Variants in HDAC4 observed in about 807,000 individuals in gnomAD.
HDAC4 encodes histone deacetylase 4, also known as histone deacetylase A.
Under a neutral mutation model 135.1 loss-of-function variants are expected in HDAC4, and 16 were observed. The ratio of observed to expected loss-of-function variants is 0.12; its 90% CI spans 0.08 to 0.18. The LOEUF (loss-of-function observed/expected upper bound fraction) is 0.18. HDAC4 is among the 10% of genes least tolerant of loss of function. The pLI is 1.00. For missense variants in HDAC4, 1,143 were observed against 1,511.8 expected (o/e 0.76, Z 4.05); for synonymous variants, 685 against 653.4 (o/e 1.05, Z -0.74).
chr2:239,251,846 T>A (rs1022430941), intron 2 of HDAC4, among the ~76,000 whole-genome samples: 6 of 152,192 alleles, frequency 3.9e-5, no homozygotes, highest in Non-Finnish European at 4.4e-5. Flanking sequence ...GAAGCAGGTG[T>A]ACCATGTGCA....
At position 239,303,596 on chromosome 2, in the gene HDAC4, C is replaced by CT. The variant is rs949362334; in HGVS notation, c.22+49081dup. Among the ~76,000 whole-genome samples, 95 of 147,008 alleles carry CT rather than the reference C, an allele frequency of 6.5e-4. No individual in the cohort carries two copies. Among genetic ancestry groups the CT allele is most frequent in the Middle Eastern group, 3.6e-3 (1 of 276 alleles). Reference sequence around the variant, plus strand: ...TCAGCTTTCTCTGTTTTCTTTCTTTCTTTTTTTTTTTTAATTCACAATTGA... The same window carrying CT: ...TCAGCTTTCTCTGTTTTCTTTCTTTCTTTTTTTTTTTTTAATTCACAATTGA... On this transcript the variant is annotated intron_variant, in intron 2 of 26. Coordinates refer to ENST00000543185, the MANE Select transcript of HDAC4 (RefSeq NM_001378414.1). The surrounding 1 kb of genome is among the most constrained non-coding windows in gnomAD (Gnocchi z 5.1).
intron 2 of HDAC4, among the ~76,000 whole-genome samples, chr2:239,249,713 C>T (rs894323980): frequency 6.6e-6 from 1 of 151,910 alleles, no homozygotes; most frequent in East Asian, 1.9e-4. Context: ...CCAAATACCA[C>T]GCCATCCTGG....
chr2:239,239,077 C>T (rs1486578588), intron 2 of HDAC4, among the ~76,000 whole-genome samples: 1 of 152,196 alleles, frequency 6.6e-6, no homozygotes, highest in Non-Finnish European at 1.5e-5. Flanking sequence ...CACCAGCCAA[C>T]TGGCACCAAC....
rs1186098557 is a variant in HDAC4 at position 239,400,437 on chromosome 2, C to T, written c.-220+541G>A. 2 of 146,420 alleles carry T rather than the reference C, an allele frequency of 1.4e-5. No individual in the cohort carries two copies. The highest frequency in any genetic ancestry group is 3.0e-5 in the Non-Finnish European group (2 of 65,802). The allele number at this position is 146,420 out of a possible 1,614,324, so 9.1% of individuals were successfully genotyped here. Reference sequence around the variant, plus strand: ...GCGCCGCTGCCTGCCGTGCCCACCCCCGCGCCCCCGCCCCGGCGGGCGAAG... The same window carrying T: ...GCGCCGCTGCCTGCCGTGCCCACCCTCGCGCCCCCGCCCCGGCGGGCGAAG... On this transcript the variant is annotated intron_variant, in intron 1 of 26. Transcript: ENST00000543185. The surrounding 1 kb of genome is among the most constrained non-coding windows in gnomAD (Gnocchi z 4.7).
intron 4 of HDAC4, among the ~76,000 whole-genome samples, chr2:239,181,728 A>G (rs527526462): frequency 6.6e-6 from 1 of 152,314 alleles, no homozygotes; most frequent in African/African-American, 2.4e-5. Flanking sequence ...CTGCCAGCGC[A>G]CTTGCACCTA....
intron 3 of HDAC4, among the ~76,000 whole-genome samples, chr2:239,199,346 T>G (rs1488347000): frequency 6.6e-6 from 1 of 152,114 alleles, no homozygotes; most frequent in Non-Finnish European, 1.5e-5. Context: ...ACTGACTAGA[T>G]TCTCTCATCA....
intron 14 of HDAC4, among the ~76,000 whole-genome samples, chr2:239,109,855 G>C (rs1191767540): frequency 6.6e-6 from 1 of 152,192 alleles, no homozygotes; most frequent in African/African-American, 2.4e-5. Context: ...ATAAGGTCAC[G>C]TGCGCTAATA....
chr2:239,179,201 ACAG>A (rs1410109155), intron 4 of HDAC4, among the ~76,000 whole-genome samples: 1 of 152,234 alleles, frequency 6.6e-6, no homozygotes, highest in African/African-American at 2.4e-5. Flanking sequence ...CTGCGCTGGC[ACAG>A]CAGGACTGGC....
intron 2 of HDAC4, among the ~76,000 whole-genome samples, chr2:239,269,157 T>G (rs1178486425): frequency 6.6e-6 from 1 of 151,792 alleles, no homozygotes; most frequent in East Asian, 1.9e-4. Flanking sequence ...CATTCATACA[T>G]CTACACAATT....
chr2:239,102,585 T>C (rs2152764807), intron 16 of HDAC4, 191 bp downstream of exon 16: 6 of 627,366 alleles, frequency 9.6e-6, no homozygotes, highest in Middle Eastern at 3.9e-4. Flanking sequence ...CAAACACACC[T>C]GCTACCTGGC....
chr2:239,321,063 T>C (rs1220239668), intron 2 of HDAC4, among the ~76,000 whole-genome samples: 2 of 152,214 alleles, frequency 1.3e-5, no homozygotes, highest in Admixed American at 1.3e-4. Context: ...TTTTCCCCAA[T>C]ATTCTATTCA....
At chr2:239,065,298 C>T (rs1305156074) in intron 24 of HDAC4, among the ~76,000 whole-genome samples, 1 of 152,222 alleles carries the variant, frequency 6.6e-6, no homozygotes, top group Non-Finnish European at 1.5e-5. Context: ...GGCCTGGGAC[C>T]AGCACCTTGG....
chr2:239,277,517 A>G (rs911167892), intron 2 of HDAC4, among the ~76,000 whole-genome samples: 3 of 152,216 alleles, frequency 2.0e-5, no homozygotes, highest in Admixed American at 6.5e-5. Flanking sequence ...ATGGTGGCCC[A>G]TCGCTGATCA....
chr2:239,298,690 G>GCT, intron 2 of HDAC4: 1 of 903,690 alleles, frequency 1.1e-6, no homozygotes, highest in South Asian at 5.1e-5. Context: ...CCAACAACGT[G>GCT]GAAATCATGA....
chr2:239,181,726 G>A (rs1014723451), intron 4 of HDAC4, among the ~76,000 whole-genome samples: 5 of 152,298 alleles, frequency 3.3e-5, no homozygotes, highest in East Asian at 3.9e-4. Context: ...TGCTGCCAGC[G>A]CACTTGCACC....
chr2:239,350,728 T>G (rs2125915970), intron 2 of HDAC4, among the ~76,000 whole-genome samples: 1 of 152,316 alleles, frequency 6.6e-6, no homozygotes, highest in East Asian at 1.9e-4. Context: ...GGTCTCAATC[T>G]CTTGACCTTG....
chr2:239,089,051 A>C lies in HDAC4; in HGVS notation c.2388+958T>G, dbSNP rs189515732. ...GTTCAGTTAAACAAAACGGAGGGGG[A>C]GGAGGCCACGATTTGATTTCAGATC... On this transcript the variant is annotated intron_variant, in intron 18 of 26. Transcript: ENST00000543185. Among the ~76,000 whole-genome samples the C allele has an allele frequency of 2.3e-3, 351 of 151,784 alleles. 2 individuals carry two copies. Among genetic ancestry groups the C allele is most frequent in the African/African-American group, 8.1e-3 (335 of 41,372 alleles).
intron 2 of HDAC4, among the ~76,000 whole-genome samples, chr2:239,347,912 C>G (rs935957299): frequency 6.6e-6 from 1 of 151,670 alleles, no homozygotes; most frequent in East Asian, 1.9e-4. Flanking sequence ...GCTCAACCAG[C>G]TTCCTATCGA....
rs1241914613 is a variant in HDAC4 at position 239,052,961 on chromosome 2, G to C, written c.*136C>G. 1 of 1,014,456 alleles carries C rather than the reference G, an allele frequency of 9.9e-7. No homozygotes were observed. The highest frequency in any genetic ancestry group is 1.6e-6 in the Non-Finnish European group (1 of 638,892). The allele number at this position is 1,014,456 out of a possible 1,614,324, so 62.8% of individuals were successfully genotyped here. A position where few individuals can be genotyped will look rare whatever the true frequency, so the allele number is the denominator to read the frequency against. On this transcript the variant is annotated 3_prime_UTR_variant, in exon 27 of 27. Coordinates refer to ENST00000543185, the MANE Select transcript of HDAC4 (RefSeq NM_001378414.1). ...CCTGGGCGGCAGAAAGGCTTCCCGT[G>C]GCTGTTGCACGCTGGGTGTCCCTGG...
Sources: gnomAD v4.1 joint callset for allele counts (sites outside exome capture counted in the v4.1 genomes callset) on GRCh38, gnomAD v4.1.1 for gene constraint, Gnocchi (gnomAD v3.1) non-coding constraint, MANE v1.5 for transcripts, NCBI Gene and HGNC (gene_info 2026-07-23, HGNC 2026-07-21) for gene names.